Variants in TRAPPC6B observed in about 807,000 individuals in gnomAD.
TRAPPC6B encodes TRAPP complex subunit 6B.
In TRAPPC6B, 27 loss-of-function variants were observed where a neutral mutation model predicts 24.7. The ratio of observed to expected loss-of-function variants is 1.09; its 90% CI spans 0.81 to 1.51. The LOEUF (loss-of-function observed/expected upper bound fraction) is 1.51. TRAPPC6B is among the 40% of genes most tolerant of loss of function. The probability of loss-of-function intolerance (pLI) is 0.00; values close to 1 mark genes in which losing one functional copy is unlikely to be tolerated. For missense variants in TRAPPC6B, 212 were observed against 190.8 expected, an observed-to-expected ratio of 1.11 and a Z score of -0.66; for synonymous variants, 80 against 66.6, an observed-to-expected ratio of 1.20 and a Z score of -0.98.
At chr14:39,159,424 A>C (rs1262636461) in intron 2 of TRAPPC6B, 59 bp downstream of exon 2, 5 of 1,159,090 alleles carry the variant, frequency 4.3e-6, no homozygotes, top group Middle Eastern at 2.0e-4. Context: ...ATCTTTTGAA[A>C]TAGATCACCT....
rs1195702491 is a variant in TRAPPC6B at position 39,170,233 on chromosome 14, G to A, written c.-138C>T. 3 of 731,662 alleles carry A rather than the reference G, an allele frequency of 4.1e-6. No individual in the cohort carries two copies. Among genetic ancestry groups the A allele is most frequent in the Non-Finnish European group, 6.9e-6 (3 of 437,294 alleles). 45.3% of individuals were successfully genotyped at this position (731,662 alleles called of 1,614,324 possible). A position where few individuals can be genotyped will look rare whatever the true frequency, so the allele number is the denominator to read the frequency against. On this transcript the variant is annotated 5_prime_UTR_variant, in exon 1 of 6. Coordinates refer to ENST00000330149, the MANE Select transcript of TRAPPC6B (RefSeq NM_001079537.2). ...TCTATCCCTGTGGCTAAGAGACCGA[G>A]GTATTCACACGACTTCCCAAAGGCT...
In TRAPPC6B at chr14:39,159,565, A is replaced by C; in HGVS notation, c.82-15T>G. 1.3e-6 allele frequency: 2 copies of C among 1,575,284 alleles called. No individual in the cohort carries two copies. The highest frequency in any genetic ancestry group is 1.7e-6 in the Non-Finnish European group (2 of 1,151,938). On this transcript the variant is annotated splice_polypyrimidine_tract_variant and intron_variant, in intron 1 of 5. Transcript: ENST00000330149. ...CGTCCGTTTTCCTATTTTAAAAAAC[A>C]ATAGTTTTAAATACTTTTAGAATGC... is the stretch of plus-strand genomic sequence containing the variant.
chr14:39,155,582 G>A (rs565681800), intron 3 of TRAPPC6B, among the ~76,000 whole-genome samples: 1 of 151,822 alleles, frequency 6.6e-6, no homozygotes, highest in South Asian at 2.1e-4. Context: ...TGTCGCCCAG[G>A]CTGGAGTGCA....
At chr14:39,158,190 C>T (rs1444645609) in intron 3 of TRAPPC6B, 95 bp downstream of exon 3, 3 of 704,194 alleles carry the variant, frequency 4.3e-6, no homozygotes, top group Admixed American at 6.6e-5. Context: ...CAAAGTTAAC[C>T]AGAAATTATT....
intron 1 of TRAPPC6B, among the ~76,000 whole-genome samples, chr14:39,166,681 G>A (rs554425846): frequency 6.6e-6 from 1 of 152,144 alleles, no homozygotes; most frequent in Non-Finnish European, 1.5e-5. Flanking sequence ...CATTATTCTG[G>A]AAGTCACAGA....
rs539905549 is a variant in TRAPPC6B, at chr14:39,158,312, T to C, written c.240A>G (p.Gln80=). The C allele has an allele frequency of 6.2e-5, 99 of 1,596,438 alleles. 3 individuals carry two copies. The South Asian group carries it at 9.3e-4, about 15-fold the overall frequency. ...KDFWTTVFKK[Q]IDNLRTNHQG... ...GATGATTTGTCCTTAGATTGTCGAT[T>C]TGTTTCTTGAATACCGTAGTCCAAA... Residue 80 remains glutamine (Q), a synonymous_variant, in exon 3 of 6, where the codon CAA becomes CAG. Transcript: ENST00000330149.
intron 3 of TRAPPC6B, among the ~76,000 whole-genome samples, chr14:39,155,685 C>T (rs1036508161): frequency 1.1e-4 from 16 of 152,012 alleles, no homozygotes; most frequent in African/African-American, 3.4e-4. Context: ...TATAAGCGTG[C>T]GCCAATATGC....
Position 39,150,212 on chromosome 14 carries a change from T to A in TRAPPC6B, c.*138A>T. ...CAGAATGTCCCTTCATCTCCTTTGA[T>A]CTGTGTTAAATTGATAAAAATACAT... On this transcript the variant is annotated 3_prime_UTR_variant, in exon 6 of 6. Transcript: ENST00000330149. The A allele has an allele frequency of 1.4e-6, 1 of 723,648 alleles. No homozygotes were observed. The highest frequency in any genetic ancestry group is 3.0e-5 in the East Asian group (1 of 32,896). The allele number at this position is 723,648 out of a possible 1,614,324, so 44.8% of individuals were successfully genotyped here. A position where few individuals can be genotyped will look rare whatever the true frequency, so the allele number is the denominator to read the frequency against.
At chr14:39,157,610 TC>T in intron 3 of TRAPPC6B, 1 of 371,690 alleles carries the variant, frequency 2.7e-6, no homozygotes, top group Non-Finnish European at 5.3e-6. Flanking sequence ...TACCGCATTA[TC>T]AAGGGGAAGG....
chr14:39,170,322 G>A lies in TRAPPC6B; in HGVS notation c.-227C>T, dbSNP rs1407033502. 2.0e-5 allele frequency: 11 copies of A among 556,710 alleles called. No homozygotes were observed. The highest frequency in any genetic ancestry group is 3.8e-5 in the African/African-American group (2 of 52,086). 34.5% of individuals were successfully genotyped at this position (556,710 alleles called of 1,614,324 possible). On this transcript the variant is annotated 5_prime_UTR_variant, in exon 1 of 6. Transcript: ENST00000330149. ...TTCGGGGCTACCAAATCCTAGGGCC[G>A]AACTAAAGTCTGACGGGAGCTCTAA...
At chr14:39,155,268 T>C (rs1300237387) in intron 3 of TRAPPC6B, among the ~76,000 whole-genome samples, 3 of 151,894 alleles carry the variant, frequency 2.0e-5, no homozygotes, top group South Asian at 2.1e-4. Context: ...TGAGACAGAG[T>C]TTCACTCTTG....
intron 1 of TRAPPC6B, among the ~76,000 whole-genome samples, chr14:39,164,662 C>T (rs1566550901): frequency 6.6e-6 from 1 of 152,034 alleles, no homozygotes; most frequent in Non-Finnish European, 1.5e-5. Flanking sequence ...CATAGTGAAA[C>T]CTCATCTTTA....
Position 39,148,355 on chromosome 14 carries a change from T to C in TRAPPC6B, c.*1995A>G, listed in dbSNP as rs1305856907. ...TGATCAAGTAAGCCAATTACCATGA[T>C]TGGCACAGAATCTAATCAACACTCA... On this transcript the variant is annotated 3_prime_UTR_variant, in exon 6 of 6. Transcript: ENST00000330149. 3.6e-6 allele frequency: 1 copy of C among 277,512 alleles called. No individual in the cohort carries two copies. The highest frequency in any genetic ancestry group is 6.7e-6 in the Non-Finnish European group (1 of 150,218). The allele number at this position is 277,512 out of a possible 1,614,324, so 17.2% of individuals were successfully genotyped here.
In TRAPPC6B at chr14:39,148,970, C is replaced by T. The variant is rs2052886123; in HGVS notation, c.*1380G>A. The T allele has an allele frequency of 2.6e-6, 1 of 383,616 alleles. No individual in the cohort carries two copies. Among genetic ancestry groups the T allele is most frequent in the African/African-American group, 2.1e-5 (1 of 48,328 alleles). The allele number at this position is 383,616 out of a possible 1,614,324, so 23.8% of individuals were successfully genotyped here. A position where few individuals can be genotyped will look rare whatever the true frequency, so the allele number is the denominator to read the frequency against. On this transcript the variant is annotated 3_prime_UTR_variant, in exon 6 of 6. Transcript: ENST00000330149. Reference sequence around the variant, plus strand: ...ACTGTAACACAATGGTAAGTACTTGCATATCTAAACATAAAGAAGGTACAG... The same window carrying T: ...ACTGTAACACAATGGTAAGTACTTGTATATCTAAACATAAAGAAGGTACAG...
chr14:39,168,223 A>T (rs1230514663), intron 1 of TRAPPC6B, among the ~76,000 whole-genome samples: 1 of 151,878 alleles, frequency 6.6e-6, no homozygotes, highest in African/African-American at 2.4e-5. Flanking sequence ...TCTAAAAAAA[A>T]AAAAAAAGAG....
intron 1 of TRAPPC6B, among the ~76,000 whole-genome samples, chr14:39,166,249 G>C (rs1418881232): frequency 1.5e-5 from 2 of 134,878 alleles, no homozygotes; most frequent in Admixed American, 1.6e-4. Flanking sequence ...CCAGAGACTT[G>C]TCTCTTAAAA....
intron 1 of TRAPPC6B, among the ~76,000 whole-genome samples, chr14:39,161,382 A>G (rs1046883177): frequency 4.6e-5 from 7 of 152,222 alleles, no homozygotes; most frequent in African/African-American, 1.7e-4. Context: ...TGAGAATGAA[A>G]AAATGTCACC....
chr14:39,158,690 C>T (rs149555012), intron 2 of TRAPPC6B: 1 of 267,992 alleles, frequency 3.7e-6, no homozygotes, highest in Non-Finnish European at 7.0e-6. Flanking sequence ...CTCAGCTAAT[C>T]TGTATATCTT....
intron 1 of TRAPPC6B, among the ~76,000 whole-genome samples, chr14:39,161,165 A>G (rs550066487): frequency 7.0e-4 from 106 of 152,358 alleles, no homozygotes; most frequent in African/African-American, 2.3e-3. Context: ...ACTGCAAGTT[A>G]TACTGTGGTT....
Sources: gnomAD v4.1 joint callset for allele counts (sites outside exome capture counted in the v4.1 genomes callset) on GRCh38, gnomAD v4.1.1 for gene constraint, MANE v1.5 for transcripts, NCBI Gene and HGNC (gene_info 2026-07-23, HGNC 2026-07-21) for gene names.